ZNF804B: variants seen among roughly 807,000 people sequenced by gnomAD.
The protein encoded by ZNF804B is zinc finger protein 804B.
ZNF804B carries 80 observed loss-of-function variants against 101.4 expected under a neutral mutation model. That is an observed-to-expected ratio of 0.79 (90% CI 0.66 to 0.95). The LOEUF (loss-of-function observed/expected upper bound fraction) is 0.95. Ranked by LOEUF, ZNF804B falls within the 40% of genes least tolerant of loss-of-function variation. ZNF804B has a pLI of 0.00. For synonymous variants in ZNF804B, 622 were observed against 558.8 expected (o/e 1.11, Z -1.59); for missense variants, 1,673 against 1,561.9 (o/e 1.07, Z -1.20).
At chr7:88,760,883 T>TTA (rs199946807) in intron 1 of ZNF804B, among the ~76,000 whole-genome samples, 42 of 127,768 alleles carry the variant, frequency 3.3e-4, no homozygotes, top group Admixed American at 6.1e-4. Flanking sequence ...TGTGTGTAAT[T>TTA]TATATATATA....
At chr7:89,210,604 T>C (rs532556608) in intron 1 of ZNF804B, among the ~76,000 whole-genome samples, 39 of 152,330 alleles carry the variant, frequency 2.6e-4, no homozygotes, top group African/African-American at 9.4e-4. Flanking sequence ...ACATTTGGTT[T>C]TCTGTTCCTG....
At chr7:88,940,370 A>T (rs1339539257) in intron 1 of ZNF804B, among the ~76,000 whole-genome samples, 1 of 152,070 alleles carries the variant, frequency 6.6e-6, no homozygotes, top group Non-Finnish European at 1.5e-5. Flanking sequence ...AAGGAGTAAG[A>T]ATAAAAATTA....
At position 88,783,786 on chromosome 7, in the gene ZNF804B, TA is replaced by T. The variant is rs375342595; in HGVS notation, c.108+23705del. 2.1e-3 allele frequency among the ~76,000 whole-genome samples: 323 copies of T among 152,210 alleles called. 3 individuals are homozygous for T. The highest frequency in any genetic ancestry group is 7.6e-3 in the African/African-American group (317 of 41,550). ...AGTTACTGCAACATAAAATGTGATATAAACGGTAGAACATAGTAGGAAATGG... is the reference window on the plus strand; with the variant it reads ...AGTTACTGCAACATAAAATGTGATATAACGGTAGAACATAGTAGGAAATGG... On this transcript the variant is annotated intron_variant, in intron 1 of 3. Coordinates refer to ENST00000333190, the MANE Select transcript of ZNF804B (RefSeq NM_181646.5).
chr7:88,772,020 T>A (rs2115633787), intron 1 of ZNF804B, among the ~76,000 whole-genome samples: 1 of 152,258 alleles, frequency 6.6e-6, no homozygotes, highest in Non-Finnish European at 1.5e-5. Context: ...AAATACAAAT[T>A]TTTGTCACTA....
At chr7:88,998,021 C>T (rs940870118) in intron 1 of ZNF804B, among the ~76,000 whole-genome samples, 2 of 152,158 alleles carry the variant, frequency 1.3e-5, no homozygotes, top group South Asian at 2.1e-4. Flanking sequence ...GCTGTCTGCC[C>T]CTTTGTCATC....
chr7:89,077,666 CTG>C (rs372047977), intron 1 of ZNF804B, among the ~76,000 whole-genome samples: 62 of 152,158 alleles, frequency 4.1e-4, no homozygotes, highest in Admixed American at 1.3e-3. Flanking sequence ...TAAAAAATTT[CTG>C]TCTTTGCAAT....
At chr7:89,307,088 A>T (rs934632660) in intron 2 of ZNF804B, among the ~76,000 whole-genome samples, 5 of 152,050 alleles carry the variant, frequency 3.3e-5, no homozygotes, top group Admixed American at 2.0e-4. Context: ...TAAAAACATT[A>T]TGACTTAGTT....
In ZNF804B at chr7:89,171,285, GCTGCTTCTTCTTCTT is replaced by G. The variant is rs1490140223; in HGVS notation, c.109-46867_109-46853del. ...TGAAGTAGGCACAAATAATGCTGCT[GCTGCTTCTTCTTCTT>G]CTTCTTCTTCTTCTTCTTCTTCTTC... On this transcript the variant is annotated intron_variant, in intron 1 of 3. Coordinates refer to ENST00000333190, the MANE Select transcript of ZNF804B (RefSeq NM_181646.5). 5.0e-3 allele frequency among the ~76,000 whole-genome samples: 324 copies of G among 64,628 alleles called. 7 individuals carry two copies. The highest frequency in any genetic ancestry group is 0.015 in the African/African-American group (294 of 19,002). 42.4% of individuals were successfully genotyped at this position (64,628 alleles called of 152,430 possible).
intron 1 of ZNF804B, among the ~76,000 whole-genome samples, chr7:88,855,670 G>C (rs1791544186): frequency 6.6e-6 from 1 of 152,176 alleles, no homozygotes; most frequent in Non-Finnish European, 1.5e-5. Context: ...TGGACATGAA[G>C]TCCTTGCCCA....
At chr7:89,049,123 T>G (rs1365180239) in intron 1 of ZNF804B, among the ~76,000 whole-genome samples, 4 of 152,136 alleles carry the variant, frequency 2.6e-5, no homozygotes, top group Admixed American at 2.6e-4. Flanking sequence ...TCATATTATG[T>G]GAACACTTAA....
intron 2 of ZNF804B, among the ~76,000 whole-genome samples, chr7:89,274,944 T>G (rs1306588416): frequency 6.6e-6 from 1 of 151,920 alleles, no homozygotes; most frequent in Non-Finnish European, 1.5e-5. Context: ...TTATTTATCC[T>G]TAGTAATCTC....
chr7:88,831,544 C>A (rs1296901173), intron 1 of ZNF804B, among the ~76,000 whole-genome samples: 2 of 151,474 alleles, frequency 1.3e-5, no homozygotes, highest in Non-Finnish European at 3.0e-5. Context: ...ATTTTTAAAG[C>A]TTTTGTCACG....
intron 1 of ZNF804B, among the ~76,000 whole-genome samples, chr7:88,953,743 A>G (rs879720124): frequency 6.6e-6 from 1 of 151,728 alleles, no homozygotes; most frequent in Non-Finnish European, 1.5e-5. Flanking sequence ...AAGAGGACCT[A>G]GTCTCCCAAA....
At chr7:88,828,572 G>T (rs1677323916) in intron 1 of ZNF804B, among the ~76,000 whole-genome samples, 1 of 152,132 alleles carries the variant, frequency 6.6e-6, no homozygotes, top group African/African-American at 2.4e-5. Context: ...TTGGAAGAGT[G>T]CCTGGCCACA....
At chr7:89,045,034 G>A (rs574659844) in intron 1 of ZNF804B, among the ~76,000 whole-genome samples, 1 of 152,286 alleles carries the variant, frequency 6.6e-6, no homozygotes, top group South Asian at 2.1e-4. Flanking sequence ...TGGACCTAGG[G>A]GCCCCCTGCT....
intron 2 of ZNF804B, among the ~76,000 whole-genome samples, chr7:89,251,843 C>A (rs148652913): frequency 0.016 from 2,412 of 152,088 alleles, 53 homozygotes; most frequent in African/African-American, 0.055. Flanking sequence ...TGGTGGGATA[C>A]GTGGCCAGCC....
chr7:89,267,277 A>G (rs1292066888), intron 2 of ZNF804B, among the ~76,000 whole-genome samples: 2 of 151,996 alleles, frequency 1.3e-5, no homozygotes, highest in African/African-American at 4.8e-5. Context: ...TGCTCTATCC[A>G]TTGTAATTTC....
Position 88,797,174 on chromosome 7 carries a change from C to T in ZNF804B, c.108+37090C>T, listed in dbSNP as rs554353031. Among the ~76,000 whole-genome samples the T allele has an allele frequency of 2.5e-4, 38 of 152,098 alleles. 1 individual carries two copies. In the South Asian group the frequency reaches 6.6e-3, roughly 27 times the overall value. Reference sequence around the variant, plus strand: ...GCCAAAATCCTTGGTATTATTTGTTCATGTTTCATCCAAGTTATATACTCC... The same window carrying T: ...GCCAAAATCCTTGGTATTATTTGTTTATGTTTCATCCAAGTTATATACTCC... On this transcript the variant is annotated intron_variant, in intron 1 of 3. Transcript: ENST00000333190.
At chr7:88,991,111 A>T (rs544963441) in intron 1 of ZNF804B, among the ~76,000 whole-genome samples, 3 of 152,290 alleles carry the variant, frequency 2.0e-5, no homozygotes, top group African/African-American at 7.2e-5. Context: ...TTGAAAATGT[A>T]GTCATTCTAC....
Sources: allele counts gnomAD v4.1 joint callset (sites outside exome capture counted in the v4.1 genomes callset), GRCh38; gene constraint gnomAD v4.1.1; transcripts MANE v1.5; gene names NCBI Gene and HGNC (gene_info 2026-07-23, HGNC 2026-07-21).